Variants in NTRK1 observed in about 807,000 individuals in gnomAD.
The protein encoded by NTRK1 is high affinity nerve growth factor receptor.
NTRK1 carries 62 observed loss-of-function variants against 86.8 expected under a neutral mutation model. The observed-to-expected ratio is 0.71, with a 90% CI of 0.58 to 0.88. NTRK1 has a LOEUF of 0.88. Ranked by LOEUF, NTRK1 falls within the 40% of genes least tolerant of loss-of-function variation. The pLI, the probability that NTRK1 is intolerant of heterozygous loss-of-function variation, is 0.00. For missense variants in NTRK1, 967 were observed against 1,078.4 expected (o/e 0.90, Z 1.45); for synonymous variants, 469 against 456.6 (o/e 1.03, Z -0.35).
chr1:156,845,828 G>A, intron 2 of NTRK1: 1 of 1,610,800 alleles, frequency 6.2e-7, no homozygotes, highest in Non-Finnish European at 8.5e-7. Flanking sequence ...GCGCCGCAGC[G>A]GGAAGACACT....
intron 2 of NTRK1, among the ~76,000 whole-genome samples, chr1:156,848,073 C>G (rs115594142): frequency 1.3e-5 from 2 of 151,972 alleles, no homozygotes; most frequent in Non-Finnish European, 2.9e-5. Flanking sequence ...CAGTGGGGGG[C>G]GAGGCCCAGG....
chr1:156,849,198 G>A, intron 2 of NTRK1: 2 of 1,606,918 alleles, frequency 1.2e-6, no homozygotes, highest in Non-Finnish European at 1.7e-6. Context: ...GGGTGTGCGT[G>A]TCTAGTGTGT....
chr1:156,845,793 T>C, intron 2 of NTRK1: 1 of 1,612,812 alleles, frequency 6.2e-7, no homozygotes, highest in Non-Finnish European at 8.5e-7. Flanking sequence ...CGGATCGTTG[T>C]TGCTGGTGGG....
chr1:156,829,728 C>T (rs1163385318), intron 1 of NTRK1, among the ~76,000 whole-genome samples: 4 of 152,128 alleles, frequency 2.6e-5, no homozygotes, highest in Non-Finnish European at 2.9e-5. Context: ...TCTCGGCTCA[C>T]GCAACCTCCG....
At chr1:156,842,140 C>T (rs753089317) in exon 2 of NTRK1, 1 of 1,614,086 alleles carries the variant, frequency 6.2e-7, no homozygotes. Flanking sequence ...AGTCCTGGGA[C>T]ACCATGCAGT....
intron 2 of NTRK1, chr1:156,846,423 G>A: frequency 9.8e-7 from 1 of 1,015,536 alleles, no homozygotes; most frequent in South Asian, 1.5e-5. Context: ...TGGGCCAGGT[G>A]TTCAGTGCCC....
At chr1:156,855,264 C>T (rs1655371862) in intron 2 of NTRK1, among the ~76,000 whole-genome samples, 1 of 151,920 alleles carries the variant, frequency 6.6e-6, no homozygotes, top group East Asian at 1.9e-4. Context: ...AGTGCAGTGG[C>T]ACAATCTCAG....
intron 1 of NTRK1, chr1:156,840,844 G>C (rs1248543723): frequency 6.4e-7 from 1 of 1,557,450 alleles, no homozygotes; most frequent in South Asian, 1.1e-5. Flanking sequence ...GTCTCCCCAT[G>C]GGAGGCCAGC....
intron 16 of NTRK1, among the ~76,000 whole-genome samples, chr1:156,881,038 C>A (rs778486838): frequency 6.6e-6 from 1 of 152,200 alleles, no homozygotes; most frequent in East Asian, 1.9e-4. Context: ...CTATTTTTCA[C>A]GCCCTTTAAC....
chr1:156,842,577 G>T, intron 2 of NTRK1: 1 of 1,158,774 alleles, frequency 8.6e-7, no homozygotes, highest in South Asian at 1.2e-5. Flanking sequence ...ATTCTGATCT[G>T]CTATGACCAC....
chr1:156,823,357 C>G (rs1196188766), intron 1 of NTRK1, among the ~76,000 whole-genome samples: 1 of 152,198 alleles, frequency 6.6e-6, no homozygotes, highest in Non-Finnish European at 1.5e-5. Flanking sequence ...CCTTCCTGAG[C>G]CTTCAACAGG....
Position 156,869,186 on chromosome 1 carries a change from T to C in NTRK1, c.717+539T>C, listed in dbSNP as rs41516950. ...TCTCGGGTTCAAGCGATTCTGCGATTCTCCTGCCTCAGCCTCCCGAGTAGC... is the reference window on the plus strand; with the variant it reads ...TCTCGGGTTCAAGCGATTCTGCGATCCTCCTGCCTCAGCCTCCCGAGTAGC... On this transcript the variant is annotated intron_variant, in intron 6 of 16. Transcript: ENST00000524377. Among the ~76,000 whole-genome samples the C allele has an allele frequency of 2.6e-5, 4 of 152,210 alleles. No individual in the cohort carries two copies. In the South Asian group the frequency reaches 6.2e-4, roughly 24 times the overall value.
chr1:156,867,983 A>G lies in NTRK1; in HGVS notation c.429-121A>G. ...CCTGTTACTGGAGTCAGAGAGAAAG[A>G]CCTCTGTGTCCTCCCTTTCACCTGT... On this transcript the variant is annotated intron_variant, in intron 4 of 16. Coordinates refer to ENST00000524377, the MANE Select transcript of NTRK1 (RefSeq NM_002529.4). 6 of 1,095,072 alleles carry G rather than the reference A, an allele frequency of 5.5e-6. No homozygotes were observed. The South Asian group carries it at 7.6e-5, about 14-fold the overall frequency. 67.8% of individuals were successfully genotyped at this position (1,095,072 alleles called of 1,614,324 possible).
At chr1:156,840,429 G>C (rs55785914) in intron 1 of NTRK1, 24,090 of 158,310 alleles carry the variant, frequency 0.15, 1,956 homozygotes, top group Admixed American at 0.17. Context: ...GTCATGTGGA[G>C]CCCCACCCCC....
chr1:156,861,576 TC>T (rs1655655872), intron 1 of NTRK1, among the ~76,000 whole-genome samples: 1 of 152,194 alleles, frequency 6.6e-6, no homozygotes, highest in Admixed American at 6.5e-5. Flanking sequence ...CCGCCCACTT[TC>T]TTGTTATGAG....
At chr1:156,844,393 G>A in intron 2 of NTRK1, 1 of 1,574,378 alleles carries the variant, frequency 6.4e-7, no homozygotes, top group Non-Finnish European at 8.7e-7. Flanking sequence ...CGGGGGAGGG[G>A]CCTGTGGTGG....
At chr1:156,850,403 GT>G (rs1374927353) in intron 2 of NTRK1, among the ~76,000 whole-genome samples, 1 of 151,348 alleles carries the variant, frequency 6.6e-6, no homozygotes, top group Admixed American at 6.6e-5. Flanking sequence ...GTAGAGATGG[GT>G]TTTCTCCATG....
intron 2 of NTRK1, among the ~76,000 whole-genome samples, chr1:156,850,278 C>A (rs909160239): frequency 2.6e-5 from 4 of 152,002 alleles, no homozygotes; most frequent in Non-Finnish European, 4.4e-5. Context: ...GTGGCACGAT[C>A]TCAGCTCAGT....
chr1:156,850,534 CTTTTTTTTTTTTT>C (rs35237064), intron 2 of NTRK1, among the ~76,000 whole-genome samples: 69 of 58,644 alleles, frequency 1.2e-3, no homozygotes, highest in South Asian at 2.8e-3. Context: ...TTAAAACATT[CTTTTTTTTTTTTT>C]TTTTTTTTTT....
Sources: allele counts gnomAD v4.1 joint callset (sites outside exome capture counted in the v4.1 genomes callset), GRCh38; gene constraint gnomAD v4.1.1; transcripts MANE v1.5; gene names NCBI Gene and HGNC (gene_info 2026-07-23, HGNC 2026-07-21).